STOX2: variants seen among roughly 807,000 people sequenced by gnomAD.
The protein encoded by STOX2 is storkhead-box protein 2.
In STOX2, 28 loss-of-function variants were observed where a neutral mutation model predicts 60.9. That is an observed-to-expected ratio of 0.46 (90% CI 0.34 to 0.63). STOX2 has a LOEUF of 0.63. Ranked by LOEUF, STOX2 falls within the 30% of genes least tolerant of loss-of-function variation. The pLI is 0.01. For synonymous variants in STOX2, 472 were observed against 463.9 expected (o/e 1.02, Z -0.22); for missense variants, 1,024 against 1,187.7 (o/e 0.86, Z 2.03).
chr4:183,970,261 G>T (rs1199982190), intron 1 of STOX2, among the ~76,000 whole-genome samples: 1 of 151,640 alleles, frequency 6.6e-6, no homozygotes, highest in Non-Finnish European at 1.5e-5. Flanking sequence ...CGTGGCTTCA[G>T]TCAAACAGTG....
rs144888354 is a variant in STOX2 at position 183,935,894 on chromosome 4, C to G, written c.166+28938C>G. On this transcript the variant is annotated intron_variant, in intron 1 of 3. Coordinates refer to ENST00000308497, the MANE Select transcript of STOX2 (RefSeq NM_020225.3). ...GATAACAAAGTGAAATGTTTAGTTC[C>G]TAAGTTTTAAGGTGGAAAACCTGAT... Among the ~76,000 whole-genome samples, 415 of 152,280 alleles carry G rather than the reference C, an allele frequency of 2.7e-3. 12 individuals carry two copies. The highest frequency in any genetic ancestry group is 0.024 in the Admixed American group (373 of 15,296).
rs371447343 is a variant in STOX2 at position 183,929,925 on chromosome 4, A to T, written c.166+22969A>T. ...GTCGCCCAGGCTGGAGTGCAGTGGC[A>T]CGATCTCGGCTCACTGCAAGCTCCG... is the stretch of plus-strand genomic sequence containing the variant. On this transcript the variant is annotated intron_variant, in intron 1 of 3. Coordinates refer to ENST00000308497, the MANE Select transcript of STOX2 (RefSeq NM_020225.3). Among the ~76,000 whole-genome samples the T allele has an allele frequency of 7.9e-5, 12 of 152,206 alleles. No homozygotes were observed. The East Asian group carries it at 2.1e-3, about 27-fold the overall frequency.
At chr4:183,996,142 G>A (rs1172549846) in intron 1 of STOX2, among the ~76,000 whole-genome samples, 1 of 152,156 alleles carries the variant, frequency 6.6e-6, no homozygotes, top group East Asian at 1.9e-4. Flanking sequence ...TCTGTCCAAG[G>A]CACTGAGTTT....
intron 1 of STOX2, among the ~76,000 whole-genome samples, chr4:183,937,384 A>G (rs547954595): frequency 4.6e-5 from 7 of 152,230 alleles, no homozygotes; most frequent in African/African-American, 9.6e-5. Context: ...AGAATTTCCA[A>G]TGGAGAGAAG....
At chr4:183,915,275 C>T (rs1258656483) in intron 1 of STOX2, among the ~76,000 whole-genome samples, 1 of 152,200 alleles carries the variant, frequency 6.6e-6, no homozygotes, top group Non-Finnish European at 1.5e-5. Flanking sequence ...CCTTCTCACC[C>T]CTACAGATTC....
chr4:183,880,048 G>A lies in STOX2; in HGVS notation c.364+81993G>A, dbSNP rs146093867. ...CTGTTGCCCAGAGTTGCATGATCTT[G>A]GCTCACTGCAACCTCCGCTTCCCGG... On this transcript the variant is annotated intron_variant, in intron 1 of 2. Coordinates refer to the STOX2 transcript ENST00000513034. Among the ~76,000 whole-genome samples the A allele has an allele frequency of 6.0e-3, 916 of 152,098 alleles. 8 individuals are homozygous for A. The highest frequency in any genetic ancestry group is 0.019 in the African/African-American group (781 of 41,504).
intron 1 of STOX2, among the ~76,000 whole-genome samples, chr4:183,867,894 G>A (rs1740607217): frequency 6.6e-6 from 1 of 152,240 alleles, no homozygotes; most frequent in African/African-American, 2.4e-5. Context: ...CACCGGTATG[G>A]CTCAGGGGAT....
At chr4:183,913,600 G>A (rs1258321778) in intron 1 of STOX2, among the ~76,000 whole-genome samples, 1 of 152,106 alleles carries the variant, frequency 6.6e-6, no homozygotes, top group Non-Finnish European at 1.5e-5. Flanking sequence ...GTGAAACCCC[G>A]TCTCTACTAA....
chr4:183,991,514 G>A (rs1171512835), intron 1 of STOX2, among the ~76,000 whole-genome samples: 1 of 150,710 alleles, frequency 6.6e-6, no homozygotes, highest in Non-Finnish European at 1.5e-5. Flanking sequence ...TGCAACCTCC[G>A]CCTCCTGGGT....
At position 184,011,776 on chromosome 4, in the gene STOX2, T is replaced by C; in HGVS notation, c.2585+353T>C. 1.9e-6 allele frequency: 1 copy of C among 520,514 alleles called. No individual in the cohort carries two copies. Among genetic ancestry groups the C allele is most frequent in the South Asian group, 2.1e-5 (1 of 48,136 alleles). The allele number at this position is 520,514 out of a possible 1,614,324, so 32.2% of individuals were successfully genotyped here. On this transcript the variant is annotated intron_variant, in intron 3 of 3. Coordinates refer to ENST00000308497, the MANE Select transcript of STOX2 (RefSeq NM_020225.3). This position sits in a 1 kb window ranked among gnomAD's most constrained non-coding sequence, Gnocchi z 4.4. ...TAAGTCCTTCAAAAATAGTAACTTT[T>C]TGAGTAGAATAAATAGTCTGGGGGC...
chr4:183,976,602 G>A (rs1732459025), intron 1 of STOX2, among the ~76,000 whole-genome samples: 1 of 152,016 alleles, frequency 6.6e-6, no homozygotes, highest in Admixed American at 6.5e-5. Flanking sequence ...TTACCTGTGG[G>A]GTACTATGCT....
At chr4:183,885,290 G>T (rs1330651574) in intron 1 of STOX2, among the ~76,000 whole-genome samples, 2 of 151,980 alleles carry the variant, frequency 1.3e-5, no homozygotes, top group Non-Finnish European at 2.9e-5. Flanking sequence ...GGCTTTGGCT[G>T]GTCCAAGAAG....
rs116763048 is a variant in STOX2, at chr4:183,936,254, G to A, written c.166+29298G>A. Among the ~76,000 whole-genome samples the A allele has an allele frequency of 3.0e-3, 463 of 152,178 alleles. 5 individuals are homozygous for A. The highest frequency in any genetic ancestry group is 0.011 in the African/African-American group (440 of 41,514). On this transcript the variant is annotated intron_variant, in intron 1 of 3. Coordinates refer to ENST00000308497, the MANE Select transcript of STOX2 (RefSeq NM_020225.3). ...TTTTTGCAGTCTGTGTGAAACCTTC[G>A]CTCTCATCTGTGCTGGGGAAGCTAT...
intron 1 of STOX2, among the ~76,000 whole-genome samples, chr4:183,958,182 T>C (rs1255521609): frequency 6.6e-6 from 1 of 152,148 alleles, no homozygotes; most frequent in Admixed American, 6.5e-5. Context: ...TCAGGGGGAA[T>C]GGTAGAATGG....
At chr4:183,843,538 T>C (rs1739918420) in intron 1 of STOX2, among the ~76,000 whole-genome samples, 1 of 152,180 alleles carries the variant, frequency 6.6e-6, no homozygotes, top group Non-Finnish European at 1.5e-5. Flanking sequence ...TGTGGGGCCA[T>C]ATGGTCTCTG....
chr4:183,953,008 G>C (rs374633608), intron 1 of STOX2, among the ~76,000 whole-genome samples: 4 of 152,242 alleles, frequency 2.6e-5, no homozygotes, highest in African/African-American at 9.6e-5. Context: ...TGGACACAGG[G>C]AGGGGAGCAT....
rs1740540106 is a variant in STOX2, at chr4:183,865,369, G to A, written c.364+67314G>A. Among the ~76,000 whole-genome samples, 1 of 152,150 alleles carries A rather than the reference G, an allele frequency of 6.6e-6. No homozygotes were observed. ...TACCTGTCTTTTGGTTCATGAGTTA[G>A]GCAGAGACTATAGAAAAGGCATGAA... On this transcript the variant is annotated intron_variant, in intron 1 of 2. Coordinates refer to the STOX2 transcript ENST00000513034. The surrounding 1 kb of genome is among the most constrained non-coding windows in gnomAD (Gnocchi z 4.1).
At chr4:183,942,805 A>C (rs1301021000) in intron 1 of STOX2, among the ~76,000 whole-genome samples, 1 of 152,070 alleles carries the variant, frequency 6.6e-6, no homozygotes. Flanking sequence ...TTAAAAAAAA[A>C]CTTTTTTAAT....
In STOX2 at chr4:183,933,236, C is replaced by T. The variant is rs563893457; in HGVS notation, c.166+26280C>T. ...GGACAGACACAAATACCGTGCCTTT[C>T]CCCAGTATATTTTAAGTGATACCGA... is the stretch of plus-strand genomic sequence containing the variant. On this transcript the variant is annotated intron_variant, in intron 1 of 3. Transcript: ENST00000308497. Among the ~76,000 whole-genome samples, 3 of 152,286 alleles carry T rather than the reference C, an allele frequency of 2.0e-5. No individual in the cohort carries two copies. The South Asian group carries it at 6.2e-4, about 32-fold the overall frequency.
Sources: allele counts gnomAD v4.1 joint callset (sites outside exome capture counted in the v4.1 genomes callset), GRCh38; gene constraint gnomAD v4.1.1; non-coding constraint Gnocchi (gnomAD v3.1); transcripts MANE v1.5; gene names NCBI Gene and HGNC (gene_info 2026-07-23, HGNC 2026-07-21).